The following SATB2 variants were observed in gnomAD, a reference collection of about 807,000 sequenced individuals.
The protein encoded by SATB2 is SATB homeobox 2.
A neutral mutation model predicts 73.4 loss-of-function variants in SATB2; 1 was observed. The ratio of observed to expected loss-of-function variants is 0.01; its 90% CI spans 0.00 to 0.06. SATB2 has a LOEUF of 0.06. Ranked by LOEUF, SATB2 falls within the 10% of genes least tolerant of loss-of-function variation. SATB2 has a pLI of 1.00. For synonymous variants in SATB2, 397 were observed against 367.0 expected (o/e 1.08, Z -0.93); for missense variants, 459 against 945.8 (o/e 0.49, Z 6.75).
intron 9 of SATB2, among the ~76,000 whole-genome samples, chr2:199,317,519 A>G (rs191267765): frequency 1.8e-4 from 27 of 152,226 alleles, no homozygotes; most frequent in Admixed American, 3.3e-4. Context: ...TGAACTTAAA[A>G]TGAGTTTAAA....
chr2:199,428,302 T>C (rs1691395617), intron 3 of SATB2, among the ~76,000 whole-genome samples: 1 of 152,224 alleles, frequency 6.6e-6, no homozygotes, highest in Non-Finnish European at 1.5e-5. Context: ...AGTCTGTCTC[T>C]GTTACTTCAA....
intron 10 of SATB2, among the ~76,000 whole-genome samples, chr2:199,304,827 A>C (rs1687385321): frequency 1.3e-5 from 2 of 152,052 alleles, no homozygotes; most frequent in Admixed American, 1.3e-4. Flanking sequence ...GCTACACAAC[A>C]CCTGGAGAAA....
At chr2:199,367,756 C>A (rs1689330202) in intron 6 of SATB2, among the ~76,000 whole-genome samples, 1 of 152,034 alleles carries the variant, frequency 6.6e-6, no homozygotes, top group African/African-American at 2.4e-5. Context: ...TCCCCAAATC[C>A]CCTCAGGGAC....
intron 3 of SATB2, among the ~76,000 whole-genome samples, 165 bp downstream of exon 3, chr2:199,433,173 C>T (rs757585764): frequency 4.7e-4 from 71 of 152,292 alleles, no homozygotes; most frequent in Middle Eastern, 6.8e-3. Context: ...CTTCCCAAAA[C>T]AAGAAACAAG....
chr2:199,458,788 C>A (rs1692383595), upstream of SATB2: 1 of 379,602 alleles, frequency 2.6e-6, no homozygotes, highest in Non-Finnish European at 5.3e-6. Context: ...ACCGCCTCCG[C>A]CCCTCCGAGC....
chr2:199,292,965 G>A (rs1340445938), intron 10 of SATB2, among the ~76,000 whole-genome samples: 1 of 152,134 alleles, frequency 6.6e-6, no homozygotes, highest in Non-Finnish European at 1.5e-5. Flanking sequence ...AAATGAAACT[G>A]TTGAGTTATT....
At chr2:199,400,516 A>G (rs1479508524) in intron 3 of SATB2, among the ~76,000 whole-genome samples, 1 of 152,218 alleles carries the variant, frequency 6.6e-6, no homozygotes, top group Non-Finnish European at 1.5e-5. Flanking sequence ...CCTTTAAAGT[A>G]AGATCCCCAT....
intron 9 of SATB2, among the ~76,000 whole-genome samples, chr2:199,318,352 C>G (rs1687792296): frequency 6.6e-6 from 1 of 151,934 alleles, no homozygotes; most frequent in Admixed American, 6.6e-5. Flanking sequence ...AATGGCAAAA[C>G]TTTGATCTTT....
chr2:199,318,345 G>A (rs956804462), intron 9 of SATB2, among the ~76,000 whole-genome samples: 1 of 151,916 alleles, frequency 6.6e-6, no homozygotes. Flanking sequence ...TGTGCAAAAT[G>A]GCAAAACTTT....
At chr2:199,395,741 T>A (rs1415563750) in intron 3 of SATB2, 1 of 152,232 alleles carries the variant, frequency 6.6e-6, no homozygotes, top group East Asian at 1.9e-4. Context: ...ACAAAAGCTT[T>A]GCAATTCTTG....
chr2:199,276,527 T>C (rs1302217992), intron 10 of SATB2, among the ~76,000 whole-genome samples: 1 of 152,172 alleles, frequency 6.6e-6, no homozygotes, highest in African/African-American at 2.4e-5. Context: ...CTAGGCTCAT[T>C]TGACAGTTTG....
chr2:199,366,459 T>C (rs1689287796), intron 6 of SATB2, among the ~76,000 whole-genome samples: 1 of 152,082 alleles, frequency 6.6e-6, no homozygotes, highest in East Asian at 1.9e-4. Context: ...GGTCGAAAGT[T>C]AATAAAACGC....
At chr2:199,437,573 C>G (rs1386515884) in intron 2 of SATB2, among the ~76,000 whole-genome samples, 3 of 152,198 alleles carry the variant, frequency 2.0e-5, no homozygotes, top group African/African-American at 7.2e-5. Flanking sequence ...GGGTCAAGTC[C>G]TGGCACTGTC....
chr2:199,332,173 G>A (rs1423529405), intron 7 of SATB2, among the ~76,000 whole-genome samples: 1 of 152,104 alleles, frequency 6.6e-6, no homozygotes, highest in Non-Finnish European at 1.5e-5. Context: ...TGCAAGTATT[G>A]AGTAAAGTGA....
At chr2:199,292,893 G>T (rs1692913619) in intron 10 of SATB2, among the ~76,000 whole-genome samples, 1 of 152,110 alleles carries the variant, frequency 6.6e-6, no homozygotes, top group African/African-American at 2.4e-5. Context: ...ATAGAAATGG[G>T]GCTTTTGAAG....
intron 3 of SATB2, among the ~76,000 whole-genome samples, chr2:199,428,828 G>C (rs1051516882): frequency 2.6e-5 from 4 of 151,904 alleles, no homozygotes; most frequent in Non-Finnish European, 5.9e-5. Context: ...GGCAACATAA[G>C]GATACTTCGT....
chr2:199,440,648 G>A (rs1038468097), intron 2 of SATB2, among the ~76,000 whole-genome samples: 2 of 152,064 alleles, frequency 1.3e-5, no homozygotes, highest in African/African-American at 2.4e-5. Context: ...AGTTTTCAAC[G>A]CTCCTCCCTG....
intron 3 of SATB2, among the ~76,000 whole-genome samples, chr2:199,413,790 C>A (rs1223714184): frequency 1.3e-5 from 2 of 152,056 alleles, no homozygotes; most frequent in Non-Finnish European, 2.9e-5. Context: ...ATCTGGAGAT[C>A]CAGCAGCCAT....
chr2:199,380,535 C>A lies in SATB2; in HGVS notation c.474-48G>T, dbSNP rs777912919. The A allele has an allele frequency of 5.6e-6, 9 of 1,602,606 alleles. No individual in the cohort carries two copies. In the South Asian group the frequency reaches 9.9e-5, roughly 18 times the overall value. On this transcript the variant is annotated intron_variant, in intron 4 of 10. Transcript: ENST00000417098. ...ACAATACACAAACCTCAACCAGGGTCCCTGACTGAAGAGGAGACACTGCAG... is the reference window on the plus strand; with the variant it reads ...ACAATACACAAACCTCAACCAGGGTACCTGACTGAAGAGGAGACACTGCAG...
Sources: allele counts gnomAD v4.1 joint callset (sites outside exome capture counted in the v4.1 genomes callset), GRCh38; gene constraint gnomAD v4.1.1; transcripts MANE v1.5; gene names NCBI Gene and HGNC (gene_info 2026-07-23, HGNC 2026-07-21).